The following RAB10 variants were observed in gnomAD, a reference collection of about 807,000 sequenced individuals.
RAB10 encodes the protein RAB10, member RAS oncogene family.
In RAB10, 5 loss-of-function variants were observed where a neutral mutation model predicts 25.7. The ratio of observed to expected loss-of-function variants is 0.19; its 90% confidence interval spans 0.10 to 0.41. The LOEUF is 0.41. Ranked by LOEUF, RAB10 falls within the 10% of genes least tolerant of loss-of-function variation. The pLI is 1.00. For synonymous variants in RAB10, 89 were observed against 86.4 expected (o/e 1.03, Z -0.16); for missense variants, 103 against 245.8 (o/e 0.42, Z 3.89).
At chr2:26,067,261 C>A (rs1666533683) in intron 1 of RAB10, among the ~76,000 whole-genome samples, 1 of 152,102 alleles carries the variant, frequency 6.6e-6, no homozygotes, top group Non-Finnish European at 1.5e-5. Context: ...GTCATTGTTA[C>A]CACTTTAAAT....
At chr2:26,064,737 C>T (rs1158973647) in intron 1 of RAB10, among the ~76,000 whole-genome samples, 1 of 152,214 alleles carries the variant, frequency 6.6e-6, no homozygotes, top group Admixed American at 6.5e-5. Flanking sequence ...TTAACACCCT[C>T]TTTCTCTTTC....
intron 3 of RAB10, among the ~76,000 whole-genome samples, chr2:26,119,011 G>T (rs1667749241): frequency 6.6e-6 from 1 of 152,288 alleles, no homozygotes; most frequent in Non-Finnish European, 1.5e-5. Context: ...TATGAGAGAA[G>T]TTCTGTGTAT....
intron 3 of RAB10, among the ~76,000 whole-genome samples, chr2:26,116,386 A>C (rs1402882396): frequency 2.0e-5 from 3 of 151,914 alleles, no homozygotes; most frequent in Admixed American, 1.3e-4. Context: ...TGATACTCAC[A>C]TATAATATAG....
At chr2:26,041,308 A>G (rs1031903300) in intron 1 of RAB10, among the ~76,000 whole-genome samples, 4 of 152,034 alleles carry the variant, frequency 2.6e-5, no homozygotes, top group South Asian at 2.1e-4. Context: ...TGGGAGGCCA[A>G]TGCAGGTGGA....
At chr2:26,045,802 G>A (rs1306765690) in intron 1 of RAB10, among the ~76,000 whole-genome samples, 2 of 152,020 alleles carry the variant, frequency 1.3e-5, no homozygotes, top group African/African-American at 4.8e-5. Flanking sequence ...CAAATTCCTG[G>A]GCTCAAGCAG....
intron 1 of RAB10, among the ~76,000 whole-genome samples, chr2:26,043,825 G>C (rs2149261850): frequency 6.6e-6 from 1 of 152,278 alleles, no homozygotes; most frequent in African/African-American, 2.4e-5. Context: ...AGTGTTGATG[G>C]TTGTATAACA....
chr2:26,072,180 A>G (rs1559584509), intron 1 of RAB10, among the ~76,000 whole-genome samples: 1 of 152,052 alleles, frequency 6.6e-6, no homozygotes, highest in Admixed American at 6.6e-5. Flanking sequence ...GCACTTTGGG[A>G]GGCCGAGGCG....
intron 1 of RAB10, among the ~76,000 whole-genome samples, chr2:26,088,612 G>C (rs1322069279): frequency 1.3e-5 from 2 of 151,362 alleles, no homozygotes; most frequent in African/African-American, 4.9e-5. Flanking sequence ...AGTTTAACTT[G>C]TCCCCCCACC....
At chr2:26,069,136 C>T (rs1173159940) in intron 1 of RAB10, among the ~76,000 whole-genome samples, 1 of 152,114 alleles carries the variant, frequency 6.6e-6, no homozygotes, top group Non-Finnish European at 1.5e-5. Context: ...TTTTAATGCC[C>T]AAAAAGTTGG....
chr2:26,033,655 C>G (rs1248540389), upstream of RAB10, among the ~76,000 whole-genome samples: 1 of 152,276 alleles, frequency 6.6e-6, no homozygotes, highest in East Asian at 1.9e-4. Context: ...CGTCGCTGCG[C>G]CAAGACCTCC....
chr2:26,124,417 T>TTTTTTTTTTTTTTTTTTTG (rs1667867053), intron 3 of RAB10, among the ~76,000 whole-genome samples: 1 of 119,560 alleles, frequency 8.4e-6, no homozygotes, highest in East Asian at 2.5e-4. Context: ...TTTTTTTTTT[T>TTTTTTTTTTTTTTTTTTTG]GAGACAGGTT....
intron 1 of RAB10, among the ~76,000 whole-genome samples, chr2:26,057,231 T>A (rs1666288070): frequency 1.3e-5 from 2 of 152,022 alleles, no homozygotes; most frequent in South Asian, 4.1e-4. Flanking sequence ...CTACTTGAAG[T>A]CATAGTGGCT....
At chr2:26,054,100 T>A (rs2149265024) in intron 1 of RAB10, among the ~76,000 whole-genome samples, 1 of 145,486 alleles carries the variant, frequency 6.9e-6, no homozygotes, top group African/African-American at 2.6e-5. Context: ...CAGGGTGGAG[T>A]GCAATGGCGT....
chr2:26,096,408 G>A (rs1164736426), intron 1 of RAB10, among the ~76,000 whole-genome samples: 1 of 128,396 alleles, frequency 7.8e-6, no homozygotes, highest in Non-Finnish European at 1.6e-5. Flanking sequence ...GCGGATGGAT[G>A]GCTGGATGGA....
At chr2:26,095,237 C>A (rs1457993467) in intron 1 of RAB10, among the ~76,000 whole-genome samples, 1 of 152,100 alleles carries the variant, frequency 6.6e-6, no homozygotes, top group Non-Finnish European at 1.5e-5. Context: ...GGGTTTCAGG[C>A]AAAGAATTTA....
intron 2 of RAB10, among the ~76,000 whole-genome samples, chr2:26,100,857 T>C (rs976489556): frequency 2.8e-4 from 42 of 151,472 alleles, no homozygotes; most frequent in Middle Eastern, 3.4e-3. Context: ...TTTTTTTTTT[T>C]CCCAAAAGTA....
At chr2:26,066,715 G>A (rs1197965854) in intron 1 of RAB10, among the ~76,000 whole-genome samples, 1 of 151,922 alleles carries the variant, frequency 6.6e-6, no homozygotes, top group Admixed American at 6.6e-5. Flanking sequence ...GACACTTGGG[G>A]ATTATGGGAA....
At chr2:26,040,205 G>A (rs542123538) in intron 1 of RAB10, among the ~76,000 whole-genome samples, 349 of 152,268 alleles carry the variant, frequency 2.3e-3, no homozygotes, top group Non-Finnish European at 4.5e-3. Flanking sequence ...AACTTGGAGT[G>A]CAGTGGTGCA....
In RAB10 at chr2:26,039,060, C is replaced by T. The variant is rs533003734; in HGVS notation, c.127+4325C>T. On this transcript the variant is annotated intron_variant, in intron 1 of 5. Coordinates refer to ENST00000264710, the MANE Select transcript of RAB10 (RefSeq NM_016131.5). Reference sequence around the variant, plus strand: ...TAAGATATAGAGTCTTGTTCTGTTGCCTAGACTGGAGTGCAGTGGTGCAGT... The same window carrying T: ...TAAGATATAGAGTCTTGTTCTGTTGTCTAGACTGGAGTGCAGTGGTGCAGT... Among the ~76,000 whole-genome samples the T allele has an allele frequency of 7.3e-4, 106 of 146,036 alleles. 1 individual carries two copies. The highest frequency in any genetic ancestry group is 1.3e-3 in the Non-Finnish European group (86 of 67,124).
Sources: gnomAD v4.1 joint callset for allele counts (sites outside exome capture counted in the v4.1 genomes callset) on GRCh38, gnomAD v4.1.1 for gene constraint, MANE v1.5 for transcripts, NCBI Gene and HGNC (gene_info 2026-07-23, HGNC 2026-07-21) for gene names.